RABGAP1L: variants seen among roughly 807,000 people sequenced by gnomAD.
RABGAP1L encodes the protein rab GTPase-activating protein 1-like.
Under a neutral mutation model 137.7 loss-of-function variants are expected in RABGAP1L, and 63 were observed. The ratio of observed to expected loss-of-function variants is 0.46; its 90% CI spans 0.37 to 0.56. The LOEUF (loss-of-function observed/expected upper bound fraction) is 0.56. RABGAP1L is among the 20% of genes least tolerant of loss of function. The probability of loss-of-function intolerance (pLI) is 0.00; values close to 1 mark genes in which losing one functional copy is unlikely to be tolerated. For synonymous variants in RABGAP1L, 431 were observed against 433.7 expected (o/e 0.99, Z 0.08); for missense variants, 1,095 against 1,244.0 (o/e 0.88, Z 1.80).
At chr1:174,881,800 T>C (rs759772121) in intron 19 of RABGAP1L, among the ~76,000 whole-genome samples, 1 of 152,026 alleles carries the variant, frequency 6.6e-6, no homozygotes, top group Non-Finnish European at 1.5e-5. Context: ...ATACCTGGCC[T>C]CATTTGCTTT....
At chr1:174,455,515 GAT>G (rs1245486036) in intron 13 of RABGAP1L, among the ~76,000 whole-genome samples, 1 of 152,014 alleles carries the variant, frequency 6.6e-6, no homozygotes, top group Non-Finnish European at 1.5e-5. Context: ...TGTAGCAAGA[GAT>G]GTGCAGTAAT....
chr1:174,384,392 C>G (rs754708852), intron 12 of RABGAP1L, among the ~76,000 whole-genome samples: 1 of 151,146 alleles, frequency 6.6e-6, no homozygotes, highest in Non-Finnish European at 1.5e-5. Context: ...GAATTGTATA[C>G]TAAAAATGTG....
intron 14 of RABGAP1L, among the ~76,000 whole-genome samples, chr1:174,672,714 TATTG>T: frequency 6.6e-6 from 1 of 152,058 alleles, no homozygotes; most frequent in Middle Eastern, 3.4e-3. Context: ...TTCATTGACT[TATTG>T]ATTGTTCAGG....
At chr1:174,760,415 A>T (rs1685126246) in intron 18 of RABGAP1L, among the ~76,000 whole-genome samples, 1 of 152,168 alleles carries the variant, frequency 6.6e-6, no homozygotes, top group Admixed American at 6.5e-5. Context: ...CTTACAAGTG[A>T]GAGCACGTGG....
At chr1:174,340,679 G>C (rs1309962099) in intron 11 of RABGAP1L, among the ~76,000 whole-genome samples, 1 of 152,084 alleles carries the variant, frequency 6.6e-6, no homozygotes, top group Non-Finnish European at 1.5e-5. Context: ...ATCTTGATGG[G>C]CATTTGGGTT....
At chr1:174,324,287 TAGTG>T (rs1179593986) in intron 11 of RABGAP1L, among the ~76,000 whole-genome samples, 2 of 152,046 alleles carry the variant, frequency 1.3e-5, no homozygotes, top group Admixed American at 6.6e-5. Flanking sequence ...GAGATAAAAT[TAGTG>T]AGGCTTATAA....
chr1:174,740,486 G>C (rs946626442), intron 17 of RABGAP1L, among the ~76,000 whole-genome samples: 1 of 152,102 alleles, frequency 6.6e-6, no homozygotes, highest in Non-Finnish European at 1.5e-5. Context: ...CAATTCATCA[G>C]CTGTTTCCAG....
At chr1:174,162,544 A>C (rs1191096092) in intron 1 of RABGAP1L, among the ~76,000 whole-genome samples, 2 of 152,112 alleles carry the variant, frequency 1.3e-5, no homozygotes, top group Non-Finnish European at 2.9e-5. Flanking sequence ...CATTGTCTTC[A>C]AGTGGGGTAT....
chr1:174,587,304 GA>G (rs1173143935), intron 13 of RABGAP1L, among the ~76,000 whole-genome samples: 1 of 100,330 alleles, frequency 1.0e-5, no homozygotes, highest in East Asian at 3.5e-4. Flanking sequence ...GGGGTGGGGG[GA>G]GGGGGGAGGG....
chr1:174,637,410 T>C lies in RABGAP1L; in HGVS notation c.1746T>C (p.Ile582=). The change falls in exon 14 of 26, where the codon ATT becomes ATC. Residue 582 remains isoleucine (I), a synonymous_variant. Transcript: ENST00000681986. ...AGGAGAGTGTTATTACTCGAGATATTCATCGTACATTTCCCGCACATGATT... is the reference window on the plus strand; with the variant it reads ...AGGAGAGTGTTATTACTCGAGATATCCATCGTACATTTCCCGCACATGATT... The part of the protein sequence containing the change: ...SAQESVITRD[I]HRTFPAHDYF... The C allele has an allele frequency of 6.2e-7, 1 of 1,613,148 alleles. No homozygotes were observed. The highest frequency in any genetic ancestry group is 2.2e-5 in the East Asian group (1 of 44,848).
chr1:174,833,447 G>GAGAGAT (rs1692363534), intron 19 of RABGAP1L, among the ~76,000 whole-genome samples: 4 of 16,978 alleles, frequency 2.4e-4, no homozygotes, highest in Non-Finnish European at 2.1e-3. Context: ...TGTGTGTGTA[G>GAGAGAT]AGATATATAT....
At chr1:174,614,660 T>G (rs1358170051) in intron 13 of RABGAP1L, among the ~76,000 whole-genome samples, 1 of 152,216 alleles carries the variant, frequency 6.6e-6, no homozygotes, top group East Asian at 1.9e-4. Context: ...CTGAATAACA[T>G]CCTGCAGAGT....
intron 13 of RABGAP1L, among the ~76,000 whole-genome samples, chr1:174,525,911 TC>T (rs1441918778): frequency 2.0e-5 from 3 of 152,202 alleles, no homozygotes; most frequent in African/African-American, 7.2e-5. Context: ...TGTCTATCAT[TC>T]TGTTGATGTG....
chr1:174,360,568 A>G (rs1684050482), intron 11 of RABGAP1L, among the ~76,000 whole-genome samples: 1 of 152,222 alleles, frequency 6.6e-6, no homozygotes, highest in Non-Finnish European at 1.5e-5. Context: ...TTAACATTAT[A>G]GTAAACTAAT....
chr1:174,656,775 T>G (rs1353270151), intron 14 of RABGAP1L, among the ~76,000 whole-genome samples: 2 of 152,182 alleles, frequency 1.3e-5, no homozygotes, highest in Admixed American at 1.3e-4. Context: ...AATCTCTGCT[T>G]GGTGGTCAGC....
chr1:174,491,139 G>C (rs902011464), intron 13 of RABGAP1L, among the ~76,000 whole-genome samples: 1 of 152,078 alleles, frequency 6.6e-6, no homozygotes, highest in Non-Finnish European at 1.5e-5. Context: ...CGAGTAGATG[G>C]AGTCTGTCAT....
chr1:174,928,009 A>G lies in RABGAP1L; in HGVS notation c.2341-29448A>G, dbSNP rs1180220209. 2.0e-5 allele frequency among the ~76,000 whole-genome samples: 3 copies of G among 152,162 alleles called. No homozygotes were observed. The East Asian group carries it at 5.8e-4, about 29-fold the overall frequency. On this transcript the variant is annotated intron_variant, in intron 19 of 25. Transcript: ENST00000681986. ...AAAATTCCTTTGATTAAAATCTTTC[A>G]GTGATTCCCTAATCTGTAGCCTTCA...
At chr1:174,982,651 A>G (rs1429233472) in intron 23 of RABGAP1L, among the ~76,000 whole-genome samples, 183 bp from the exon 24 acceptor site, 1 of 152,212 alleles carries the variant, frequency 6.6e-6, no homozygotes, top group Non-Finnish European at 1.5e-5. Context: ...TGCTTTACAT[A>G]TGGAACGCTC....
chr1:174,184,169 T>C (rs1666616133), intron 1 of RABGAP1L, among the ~76,000 whole-genome samples: 1 of 152,190 alleles, frequency 6.6e-6, no homozygotes, highest in African/African-American at 2.4e-5. Context: ...GCCCGGCAGA[T>C]TGGCTTCTTT....
Sources: allele counts gnomAD v4.1 joint callset (sites outside exome capture counted in the v4.1 genomes callset), GRCh38; gene constraint gnomAD v4.1.1; transcripts MANE v1.5; gene names NCBI Gene and HGNC (gene_info 2026-07-23, HGNC 2026-07-21).